Variants in BCL2L13 observed in about 807,000 individuals in gnomAD.
BCL2L13 encodes bcl-2-like protein 13.
BCL2L13 carries 13 observed loss-of-function variants against 25.8 expected under a neutral mutation model. The observed-to-expected ratio is 0.50, with a 90% confidence interval of 0.33 to 0.80. The LOEUF (loss-of-function observed/expected upper bound fraction) is 0.80, where lower values mean the gene tolerates loss of function less well. Ranked by LOEUF, BCL2L13 falls within the 30% of genes least tolerant of loss-of-function variation. The pLI, the probability that BCL2L13 is intolerant of heterozygous loss-of-function variation, is 0.02. For synonymous variants in BCL2L13, 244 were observed against 230.3 expected, an observed-to-expected ratio of 1.06 and a Z score of -0.54; for missense variants, 504 against 574.9, an observed-to-expected ratio of 0.88 and a Z score of 1.26.
intron 2 of BCL2L13, among the ~76,000 whole-genome samples, chr22:17,672,213 C>T (rs2059439860): frequency 6.6e-6 from 1 of 152,206 alleles, no homozygotes; most frequent in South Asian, 2.1e-4. Flanking sequence ...TGGAGCTCTA[C>T]CCTAGACCTA....
chr22:17,669,032 T>TTC (rs1286271112), intron 2 of BCL2L13, among the ~76,000 whole-genome samples: 63 of 111,110 alleles, frequency 5.7e-4, no homozygotes, highest in African/African-American at 1.7e-3. Context: ...GTTTCTTTCT[T>TTC]TTTTTTTTTT....
At chr22:17,641,560 A>G (rs2058284951) in intron 1 of BCL2L13, among the ~76,000 whole-genome samples, 1 of 152,126 alleles carries the variant, frequency 6.6e-6, no homozygotes, top group Admixed American at 6.6e-5. Flanking sequence ...TTGACATATA[A>G]TTAACGTACC....
intron 1 of BCL2L13, among the ~76,000 whole-genome samples, chr22:17,631,597 CAG>C (rs1031826258): frequency 3.5e-4 from 50 of 141,876 alleles, no homozygotes; most frequent in African/African-American, 1.2e-3. Flanking sequence ...CTCCTGGGCT[CAG>C]GGGATCCTCC....
exon 1 of BCL2L13, chr22:17,628,986 T>C (rs1178390207): frequency 2.7e-6 from 1 of 373,410 alleles, no homozygotes; most frequent in African/African-American, 2.1e-5. Context: ...AGTCGGGCTG[T>C]TTTGAGGAGT....
At chr22:17,668,051 C>T (rs1447749522) in intron 2 of BCL2L13, among the ~76,000 whole-genome samples, 2 of 149,106 alleles carry the variant, frequency 1.3e-5, no homozygotes, top group East Asian at 2.0e-4. Context: ...CGCTCTGTCG[C>T]CCAGGCTGGA....
At chr22:17,695,883 C>G (rs907451820) in intron 4 of BCL2L13, 1 of 321,026 alleles carries the variant, frequency 3.1e-6, no homozygotes, top group Non-Finnish European at 5.9e-6. Flanking sequence ...AAGTTCCAAG[C>G]AGTTACAAAA....
At position 17,728,653 on chromosome 22, in the gene BCL2L13, G is replaced by A. The variant is rs2061354437; in HGVS notation, c.*1119G>A. ...TTTTATTCTTGGGCTTATAGAGCCAGTTAGATCATAATTCTTATGAAATAG... is the reference window on the plus strand; with the variant it reads ...TTTTATTCTTGGGCTTATAGAGCCAATTAGATCATAATTCTTATGAAATAG... On this transcript the variant is annotated 3_prime_UTR_variant, in exon 7 of 7. Coordinates refer to ENST00000317582, the MANE Select transcript of BCL2L13 (RefSeq NM_015367.4). 1 of 152,214 alleles carries A rather than the reference G, an allele frequency of 6.6e-6. No homozygotes were observed. Among genetic ancestry groups the A allele is most frequent in the South Asian group, 2.1e-4 (1 of 4,834 alleles). 9.4% of individuals were successfully genotyped at this position (152,214 alleles called of 1,614,324 possible).
chr22:17,703,581 C>T (rs906292029), intron 6 of BCL2L13: 6 of 152,066 alleles, frequency 3.9e-5, no homozygotes, highest in African/African-American at 1.4e-4. Context: ...GTATACTACT[C>T]ATTATTGTTT....
chr22:17,727,310 A>G lies in BCL2L13; in HGVS notation c.1234A>G (p.Lys412Glu), dbSNP rs764139260. 4.3e-6 allele frequency: 7 copies of G among 1,614,226 alleles called. No homozygotes were observed. Among genetic ancestry groups the G allele is most frequent in the African/African-American group, 1.3e-5 (1 of 75,058 alleles). Reference sequence around the variant, plus strand: ...ACCCACAGAAACGCTGCTGAGTGAGAAGGAGATAAACGCAAGGGAAGAGAG... The same window carrying G: ...ACCCACAGAAACGCTGCTGAGTGAGGAGGAGATAAACGCAAGGGAAGAGAG... ...LEPTETLLSE[K>E]EINAREESLV... is the part of the protein sequence containing the mutation. The change falls in exon 7 of 7, where the codon AAG (lysine) becomes GAG (glutamate). Residue 412 changes from lysine to glutamate, a missense_variant. Lys to Glu is a moderately conservative substitution (Grantham distance 56, BLOSUM62 1). Transcript: ENST00000317582.
chr22:17,651,397 A>ATTTT (rs2058682028), intron 1 of BCL2L13, among the ~76,000 whole-genome samples: 1 of 14,642 alleles, frequency 6.8e-5, no homozygotes, highest in South Asian at 2.4e-3. Context: ...TTATTTATTT[A>ATTTT]TTTGAGACGG....
intron 6 of BCL2L13, among the ~76,000 whole-genome samples, chr22:17,713,571 C>G (rs12170986): frequency 0.13 from 18,909 of 150,312 alleles, 1,505 homozygotes; most frequent in African/African-American, 0.21. Context: ...AAGTGATTCT[C>G]CTGCCTCAGC....
In BCL2L13 at chr22:17,695,949, C is replaced by T; in HGVS notation, c.387-192C>T. 6.4e-6 allele frequency: 3 copies of T among 469,688 alleles called. No individual in the cohort carries two copies. In the Admixed American group the frequency reaches 9.6e-5, roughly 15 times the overall value. 29.1% of individuals were successfully genotyped at this position (469,688 alleles called of 1,614,324 possible). A position where few individuals can be genotyped will look rare whatever the true frequency, so the allele number is the denominator to read the frequency against. On this transcript the variant is annotated intron_variant, in intron 4 of 6. Coordinates refer to ENST00000317582, the MANE Select transcript of BCL2L13 (RefSeq NM_015367.4). ...TGTTATTAACTATTTCCCAGGCATG[C>T]ATCACAGCTTATAGAATGCTTGAAA...
At chr22:17,665,034 G>C (rs898854317) in intron 2 of BCL2L13, among the ~76,000 whole-genome samples, 2 of 152,184 alleles carry the variant, frequency 1.3e-5, no homozygotes, top group Non-Finnish European at 2.9e-5. Context: ...GCAAATTTCT[G>C]TATCAGGCTT....
intron 6 of BCL2L13, among the ~76,000 whole-genome samples, chr22:17,709,978 G>C (rs2060700551): frequency 6.6e-6 from 1 of 150,612 alleles, no homozygotes; most frequent in Non-Finnish European, 1.5e-5. Context: ...GCTGAGGCAG[G>C]AGGATCACTT....
rs558688978 is a variant in BCL2L13 at position 17,651,396 on chromosome 22, TA to T, written c.-50-4265del. Among the ~76,000 whole-genome samples the T allele has an allele frequency of 2.6e-3, 44 of 16,744 alleles. 1 individual carries two copies. The East Asian group carries it at 0.049, about 19-fold the overall frequency. 11.0% of individuals were successfully genotyped at this position (16,744 alleles called of 152,430 possible). ...TTATTTATTTATTTATTTATTTATT[TA>T]TTTGAGACGGAGTCTTACTCTGTTG... On this transcript the variant is annotated intron_variant, in intron 1 of 6. Transcript: ENST00000317582.
chr22:17,634,208 C>G (rs777064421), upstream of BCL2L13, among the ~76,000 whole-genome samples: 1 of 151,824 alleles, frequency 6.6e-6, no homozygotes, highest in East Asian at 1.9e-4. Flanking sequence ...TTTTTTGAGA[C>G]GGAGTCTCAC....
intron 3 of BCL2L13, among the ~76,000 whole-genome samples, chr22:17,686,517 C>CTTTT (rs542476608): frequency 3.9e-4 from 54 of 139,964 alleles, no homozygotes; most frequent in African/African-American, 1.4e-3. Flanking sequence ...CTTTTTTTTT[C>CTTTT]TTTTTTTTTT....
At chr22:17,647,136 G>A (rs1437863320) in intron 1 of BCL2L13, among the ~76,000 whole-genome samples, 1 of 150,948 alleles carries the variant, frequency 6.6e-6, no homozygotes, top group African/African-American at 2.4e-5. Context: ...ACCACGCCTG[G>A]CTAATTTTTT....
chr22:17,633,565 T>C (rs1477029029), intron 1 of BCL2L13, among the ~76,000 whole-genome samples: 1 of 152,290 alleles, frequency 6.6e-6, no homozygotes, highest in South Asian at 2.1e-4. Flanking sequence ...ACGGTTCATG[T>C]GCTCTCACCT....
Sources: gnomAD v4.1 joint callset for allele counts (sites outside exome capture counted in the v4.1 genomes callset) on GRCh38, gnomAD v4.1.1 for gene constraint, MANE v1.5 for transcripts, NCBI Gene and HGNC (gene_info 2026-07-23, HGNC 2026-07-21) for gene names.